Variants in GYS2 observed in about 807,000 individuals in gnomAD.
GYS2 encodes the protein glycogen [starch] synthase, liver.
In GYS2, 80 loss-of-function variants were observed where a neutral mutation model predicts 85.6. The observed-to-expected ratio is 0.93, with a 90% CI of 0.78 to 1.13. The LOEUF (loss-of-function observed/expected upper bound fraction) is 1.13. GYS2 is among the 50% of genes most tolerant of loss of function. The probability of loss-of-function intolerance (pLI) is 0.00; values close to 1 mark genes in which losing one functional copy is unlikely to be tolerated. For synonymous variants in GYS2, 328 were observed against 300.7 expected, an observed-to-expected ratio of 1.09 and a Z score of -0.94; for missense variants, 881 against 854.9, an observed-to-expected ratio of 1.03 and a Z score of -0.38.
At chr12:21,567,888 G>C (rs1278254309) in intron 5 of GYS2, among the ~76,000 whole-genome samples, 1 of 151,808 alleles carries the variant, frequency 6.6e-6, no homozygotes, top group Non-Finnish European at 1.5e-5. Context: ...GCCTGGCCAA[G>C]ATAGTGAAAC....
intron 6 of GYS2, 50 bp from the exon 7 acceptor site, chr12:21,563,088 A>G: frequency 7.3e-7 from 1 of 1,364,716 alleles, no homozygotes; most frequent in South Asian, 1.2e-5. Context: ...AGCAACAGTA[A>G]CAAAATGTAC....
intron 4 of GYS2, among the ~76,000 whole-genome samples, chr12:21,569,814 C>T (rs985236081): frequency 9.2e-5 from 14 of 152,158 alleles, no homozygotes; most frequent in Non-Finnish European, 1.5e-5. Flanking sequence ...TCAGGCACTC[C>T]ACTACGCACA....
chr12:21,586,517 C>T (rs1349709241), intron 1 of GYS2, among the ~76,000 whole-genome samples: 3 of 151,866 alleles, frequency 2.0e-5, no homozygotes, highest in Non-Finnish European at 2.9e-5. Flanking sequence ...GAGCTCAGGT[C>T]CTGAGCAGAC....
chr12:21,561,399 G>T (rs988047179), intron 7 of GYS2, among the ~76,000 whole-genome samples: 1 of 152,114 alleles, frequency 6.6e-6, no homozygotes, highest in African/African-American at 2.4e-5. Context: ...GCACTTTACC[G>T]TCTAGTATGC....
intron 1 of GYS2, among the ~76,000 whole-genome samples, chr12:21,583,603 C>A (rs1436656529): frequency 6.6e-6 from 1 of 152,178 alleles, no homozygotes; most frequent in Non-Finnish European, 1.5e-5. Context: ...ATTTGGCAGG[C>A]TGAATCACAG....
At chr12:21,560,349 T>C in intron 8 of GYS2, 37 bp downstream of exon 8, 1 of 1,099,380 alleles carries the variant, frequency 9.1e-7, no homozygotes. Flanking sequence ...TCTTTTCACA[T>C]TTATTGCTAG....
chr12:21,570,098 A>C (rs143887015), intron 4 of GYS2, among the ~76,000 whole-genome samples: 4 of 152,150 alleles, frequency 2.6e-5, no homozygotes, highest in African/African-American at 9.7e-5. Flanking sequence ...CTAAAAAGAG[A>C]CCCATTAGAG....
chr12:21,590,068 A>G (rs913680032), intron 1 of GYS2, among the ~76,000 whole-genome samples: 1 of 152,046 alleles, frequency 6.6e-6, no homozygotes, highest in Non-Finnish European at 1.5e-5. Flanking sequence ...CTCCCTAAGA[A>G]AATGCTACCC....
chr12:21,579,876 AAAAGGTAGCAT>A (rs1944489380), intron 2 of GYS2, among the ~76,000 whole-genome samples: 2 of 152,172 alleles, frequency 1.3e-5, no homozygotes, highest in Non-Finnish European at 2.9e-5. Flanking sequence ...CATTTGCTAT[AAAAGGTAGCAT>A]ATTCACAGCT....
At chr12:21,558,693 T>C (rs1230336838) in intron 10 of GYS2, among the ~76,000 whole-genome samples, 1 of 152,212 alleles carries the variant, frequency 6.6e-6, no homozygotes, top group East Asian at 1.9e-4. Context: ...ACAAGCATTC[T>C]GATGCAAGCC....
chr12:21,560,449 G>C lies in GYS2; in HGVS notation c.1106C>G (p.Pro369Arg), dbSNP rs1489516304. 1.2e-5 allele frequency: 19 copies of C among 1,608,762 alleles called. No individual in the cohort carries two copies. The highest frequency in any genetic ancestry group is 1.6e-5 in the Non-Finnish European group (19 of 1,175,396). The change falls in exon 8 of 16, where the codon CCT becomes CGT. Residue 369 changes from proline (P) to arginine (R), a missense_variant. Physicochemically the swap from Pro to Arg is moderately radical, Grantham distance 103 (BLOSUM62 -2). Coordinates refer to ENST00000261195, the MANE Select transcript of GYS2 (RefSeq NM_021957.4). The stretch of plus-strand genomic sequence containing the variant: ...CACGTTGAAATTATTTGTCTTGGCA[G>C]GCATAATGAAAAACACCATCACTGT... ...DITVMVFFIM[P>R]AKTNNFNVET...
chr12:21,558,324 A>C lies in GYS2; in HGVS notation c.1309-11T>G. ...GGGCAATGACTGTCGCTGAAGTATG[A>C]GAGGGAAGGAAATATCAATTGCGGA... On this transcript the variant is annotated splice_polypyrimidine_tract_variant and intron_variant, in intron 10 of 15. Coordinates refer to ENST00000261195, the MANE Select transcript of GYS2 (RefSeq NM_021957.4). 6.6e-7 allele frequency: 1 copy of C among 1,516,958 alleles called. No individual in the cohort carries two copies. Among genetic ancestry groups the C allele is most frequent in the Non-Finnish European group, 9.2e-7 (1 of 1,091,346 alleles). The allele number at this position is 1,516,958 out of a possible 1,614,324, so 94.0% of individuals were successfully genotyped here. A position where few individuals can be genotyped will look rare whatever the true frequency, so the allele number is the denominator to read the frequency against.
intron 12 of GYS2, 62 bp downstream of exon 12, chr12:21,546,282 T>C: frequency 8.9e-7 from 1 of 1,127,128 alleles, no homozygotes; most frequent in Non-Finnish European, 1.3e-6. Context: ...ATTATATATA[T>C]GCACATAAAA....
chr12:21,597,220 G>A (rs1004549308), intron 1 of GYS2, among the ~76,000 whole-genome samples: 5 of 151,992 alleles, frequency 3.3e-5, no homozygotes, highest in Non-Finnish European at 5.9e-5. Flanking sequence ...ACTATATTAA[G>A]CTAAAATACA....
intron 14 of GYS2, 121 bp from the exon 15 acceptor site, chr12:21,539,459 A>G (rs1034570690): frequency 4.1e-6 from 3 of 729,624 alleles, no homozygotes; most frequent in Non-Finnish European, 7.4e-6. Context: ...AAGTGACAGA[A>G]TCTATGCAGT....
chr12:21,604,451 AC>A lies in GYS2; in HGVS notation c.121+20del, dbSNP rs780527297. The A allele has an allele frequency of 3.2e-5, 46 of 1,459,766 alleles. No homozygotes were observed. The highest frequency in any genetic ancestry group is 4.2e-5 in the African/African-American group (3 of 71,924). The allele number at this position is 1,459,766 out of a possible 1,614,324, so 90.4% of individuals were successfully genotyped here. On this transcript the variant is annotated intron_variant, in intron 1 of 15. Coordinates refer to ENST00000261195, the MANE Select transcript of GYS2 (RefSeq NM_021957.4). The stretch of plus-strand genomic sequence containing the variant: ...TCACCTAGTGAAGGTGTACTGATCC[AC>A]CTTCAGGAGCAGTACAAACCTTTAT...
chr12:21,579,855 C>A (rs748952094), intron 2 of GYS2, among the ~76,000 whole-genome samples: 8 of 152,174 alleles, frequency 5.3e-5, no homozygotes, highest in Non-Finnish European at 8.8e-5. Flanking sequence ...TTAATCACAT[C>A]TGCCATATTC....
Position 21,546,385 on chromosome 12 carries a change from C to G in GYS2, c.1508G>C (p.Gly503Ala). 3 of 1,601,398 alleles carry G rather than the reference C, an allele frequency of 1.9e-6. No individual in the cohort carries two copies. Among genetic ancestry groups the G allele is most frequent in the South Asian group, 1.1e-5 (1 of 90,714 alleles). ...YEEFVRGCHL[G>A]VFPSYYEPWG... The stretch of plus-strand genomic sequence containing the variant: ...GGGTTCATAGTATGATGGAAATACT[C>G]CAAGATGACAACCTCTAACAAACTC... Residue 503 changes from glycine to alanine, a missense_variant, in exon 12 of 16, where the codon GGA becomes GCA. Coordinates refer to ENST00000261195, the MANE Select transcript of GYS2 (RefSeq NM_021957.4).
chr12:21,563,317 A>G lies in GYS2; in HGVS notation c.852T>C (p.Val284=), dbSNP rs774191079. 9.3e-6 allele frequency: 15 copies of G among 1,607,916 alleles called. No homozygotes were observed. In the South Asian group the frequency reaches 1.3e-4, roughly 14 times the overall value. ...PDVVTPNGLN[V]KKFSAVHEFQ... ...ACTCATGCACTGCTGAAAATTTCTT[A>G]ACATTCAAGCCGTTTGGAGTAACTA... Residue 284 remains valine (V), a synonymous_variant, in exon 6 of 16, where the codon GTT becomes GTC. Transcript: ENST00000261195.
Sources: allele counts gnomAD v4.1 joint callset (sites outside exome capture counted in the v4.1 genomes callset), GRCh38; gene constraint gnomAD v4.1.1; transcripts MANE v1.5; gene names NCBI Gene and HGNC (gene_info 2026-07-23, HGNC 2026-07-21).